BPTF: variants seen among roughly 807,000 people sequenced by gnomAD.
The protein encoded by BPTF is nucleosome-remodeling factor subunit BPTF.
In BPTF, 18 loss-of-function variants were observed where a neutral mutation model predicts 292.5. The ratio of observed to expected loss-of-function variants is 0.06; its 90% CI spans 0.04 to 0.09. The LOEUF (loss-of-function observed/expected upper bound fraction) is 0.09. Among genes scored for constraint, BPTF ranks in the 10% least tolerant of loss-of-function variants. BPTF has a pLI of 1.00. For synonymous variants in BPTF, 1,225 were observed against 1,251.9 expected (o/e 0.98, Z 0.45); for missense variants, 2,726 against 3,498.7 (o/e 0.78, Z 5.57).
intron 26 of BPTF, among the ~76,000 whole-genome samples, chr17:67,972,896 A>G (rs1365306279): frequency 6.6e-6 from 1 of 151,780 alleles, no homozygotes; most frequent in Admixed American, 6.6e-5. Context: ...ACATGAACCT[A>G]CAGCATCGAT....
chr17:67,981,548 T>A (rs2070363657), intron 27 of BPTF: 1 of 1,089,988 alleles, frequency 9.2e-7, no homozygotes. Context: ...CCCCAAAAAG[T>A]CAGATTAGTT....
chr17:67,908,922 C>T (rs1355306315), intron 9 of BPTF, among the ~76,000 whole-genome samples: 1 of 149,552 alleles, frequency 6.7e-6, no homozygotes, highest in Non-Finnish European at 1.5e-5. Flanking sequence ...GCGACCTCCG[C>T]CTCCTGGGTT....
chr17:67,932,779 A>G (rs2064516463), intron 18 of BPTF, among the ~76,000 whole-genome samples: 1 of 152,140 alleles, frequency 6.6e-6, no homozygotes, highest in Non-Finnish European at 1.5e-5. Flanking sequence ...GCTAAAATCA[A>G]ATTACTACAA....
chr17:67,941,970 T>C (rs1466400176), intron 19 of BPTF, among the ~76,000 whole-genome samples: 1 of 151,534 alleles, frequency 6.6e-6, no homozygotes, highest in Non-Finnish European at 1.5e-5. Flanking sequence ...TTACTACAAA[T>C]CAAGAAAGAA....
At chr17:67,954,184 GTTA>G (rs563295319) in intron 23 of BPTF, among the ~76,000 whole-genome samples, 271 of 150,144 alleles carry the variant, frequency 1.8e-3, no homozygotes, top group African/African-American at 6.5e-3. Context: ...GTTTTTTGTT[GTTA>G]TTGTTGTTGT....
intron 23 of BPTF, among the ~76,000 whole-genome samples, chr17:67,954,758 T>G (rs1191950883): frequency 6.6e-6 from 1 of 152,234 alleles, no homozygotes; most frequent in South Asian, 2.1e-4. Context: ...TATACAATCT[T>G]GGTTTTCCCA....
chr17:67,879,022 A>ATGTCAGTCTTTAGTATCAGGAATATTT (rs201250221), intron 4 of BPTF, among the ~76,000 whole-genome samples: 1 of 76,764 alleles, frequency 1.3e-5, no homozygotes, highest in Non-Finnish European at 2.3e-5. Context: ...TTCTCTGATA[A>ATGTCAGTCTTTAGTATCAGGAATATTT]TGTCAGTCTT....
In BPTF at chr17:67,948,067, G is replaced by T; in HGVS notation, c.7701-14G>T. 4 of 1,604,448 alleles carry T rather than the reference G, an allele frequency of 2.5e-6. No individual in the cohort carries two copies. Among genetic ancestry groups the T allele is most frequent in the Non-Finnish European group, 3.4e-6 (4 of 1,171,432 alleles). On this transcript the variant is annotated splice_polypyrimidine_tract_variant and intron_variant, in intron 22 of 27. Transcript: ENST00000306378. ...AAACGCCCAGCATTACATAGGTTGT[G>T]TATTTTTCTCTAGAATGATTGTCTG...
In BPTF at chr17:67,851,721, A is replaced by G. The variant is rs966241518; in HGVS notation, c.614-2219A>G. 2.6e-5 allele frequency among the ~76,000 whole-genome samples: 4 copies of G among 152,274 alleles called. No individual in the cohort carries two copies. The East Asian group carries it at 5.8e-4, about 22-fold the overall frequency. On this transcript the variant is annotated intron_variant, in intron 1 of 27. Transcript: ENST00000306378. ...TTATAAGCAGAACCTTAAACTTGACAATCCTGAATTTCTCTCTGAAGTTGT... is the reference window on the plus strand; with the variant it reads ...TTATAAGCAGAACCTTAAACTTGACGATCCTGAATTTCTCTCTGAAGTTGT...
chr17:67,828,939 C>CA (rs1377935321), intron 1 of BPTF, among the ~76,000 whole-genome samples: 3 of 152,326 alleles, frequency 2.0e-5, no homozygotes, highest in Admixed American at 6.5e-5. Flanking sequence ...GCTCCTGTAA[C>CA]AGAGTTTTGC....
Position 67,909,635 on chromosome 17 carries a change from C to G in BPTF, c.2866C>G (p.Arg956Gly). ...TGAGTCAGATAAAAGAAAATGTTCACGAAGTCCAAAAAAAATAAAAATAGA... is the reference window on the plus strand; with the variant it reads ...TGAGTCAGATAAAAGAAAATGTTCAGGAAGTCCAAAAAAAATAAAAATAGA... ...MDESDKRKCS[R>G]SPKKIKIEPD... The change falls in exon 10 of 28, where the codon CGA (arginine) becomes GGA (glycine). Residue 956 changes from arginine to glycine, a missense_variant. By Grantham distance (125) the Arg-to-Gly change is moderately radical. Around this residue, in one of 22 missense-constraint regions of BPTF, gnomAD observed 713 missense variants for 714.9 expected, o/e 1.00. Coordinates refer to ENST00000306378, the MANE Select transcript of BPTF (RefSeq NM_182641.4). 6.3e-7 allele frequency: 1 copy of G among 1,588,760 alleles called. No homozygotes were observed. Among genetic ancestry groups the G allele is most frequent in the South Asian group, 1.2e-5 (1 of 84,758 alleles).
At chr17:67,841,396 C>G (rs972029136) in intron 1 of BPTF, among the ~76,000 whole-genome samples, 1 of 151,762 alleles carries the variant, frequency 6.6e-6, no homozygotes, top group South Asian at 2.1e-4. Flanking sequence ...GCAACAAGAG[C>G]GAAAATCTGT....
intron 14 of BPTF, among the ~76,000 whole-genome samples, chr17:67,924,192 C>A (rs2063676716): frequency 6.6e-6 from 1 of 151,912 alleles, no homozygotes; most frequent in Admixed American, 6.6e-5. Context: ...TGATCTCAAG[C>A]AATCCACCTG....
chr17:67,839,109 A>G (rs1455397182), intron 1 of BPTF, among the ~76,000 whole-genome samples: 2 of 151,970 alleles, frequency 1.3e-5, no homozygotes, highest in Non-Finnish European at 2.9e-5. Flanking sequence ...GCCCTCTACC[A>G]TTGATGGGAA....
chr17:67,832,612 T>C (rs2056789585), intron 1 of BPTF, among the ~76,000 whole-genome samples: 1 of 151,894 alleles, frequency 6.6e-6, no homozygotes, highest in South Asian at 2.1e-4. Flanking sequence ...ATTTAGTGGT[T>C]TTTTTAGTAT....
intron 13 of BPTF, among the ~76,000 whole-genome samples, 170 bp from the exon 14 acceptor site, chr17:67,922,670 G>A (rs547971499): frequency 5.3e-5 from 8 of 152,112 alleles, no homozygotes; most frequent in South Asian, 2.1e-4. Context: ...ACTCACTTAC[G>A]TATTGTCTTT....
intron 1 of BPTF, among the ~76,000 whole-genome samples, chr17:67,840,977 T>G (rs1343333930): frequency 3.9e-5 from 6 of 152,226 alleles, no homozygotes; most frequent in Non-Finnish European, 8.8e-5. Flanking sequence ...TTTCATTCTC[T>G]TAACAGTGTC....
At chr17:67,890,501 G>T (rs1430362121) in intron 4 of BPTF, among the ~76,000 whole-genome samples, 1 of 152,160 alleles carries the variant, frequency 6.6e-6, no homozygotes, top group Non-Finnish European at 1.5e-5. Flanking sequence ...ACTGGAAAAG[G>T]ATGCTGAGAG....
intron 26 of BPTF, chr17:67,974,154 C>CT (rs1399833288): frequency 6.6e-6 from 1 of 151,780 alleles, no homozygotes. Flanking sequence ...GATTACTGGC[C>CT]TTTCACTCTC....
Sources: allele counts gnomAD v4.1 joint callset (sites outside exome capture counted in the v4.1 genomes callset), GRCh38; gene constraint gnomAD v4.1.1; regional missense constraint gnomAD v4.1.1; transcripts MANE v1.5; gene names NCBI Gene and HGNC (gene_info 2026-07-23, HGNC 2026-07-21).